Variants in MCF2L observed in about 807,000 individuals in gnomAD.
MCF2L encodes guanine nucleotide exchange factor DBS.
A neutral mutation model predicts 153.4 loss-of-function variants in MCF2L; 97 were observed. The ratio of observed to expected loss-of-function variants is 0.63; its 90% CI spans 0.54 to 0.75. MCF2L has a LOEUF of 0.75. Among genes scored for constraint, MCF2L ranks in the 30% least tolerant of loss-of-function variants. The probability of loss-of-function intolerance (pLI) is 0.00; values close to 1 mark genes in which losing one functional copy is unlikely to be tolerated. For synonymous variants in MCF2L, 659 were observed against 632.2 expected (o/e 1.04, Z -0.64); for missense variants, 1,347 against 1,495.2 (o/e 0.90, Z 1.64).
At chr13:113,015,938 C>G (rs1438500579) in intron 2 of MCF2L, among the ~76,000 whole-genome samples, 1 of 152,130 alleles carries the variant, frequency 6.6e-6, no homozygotes, top group East Asian at 1.9e-4. Context: ...CCTCCTGCGT[C>G]CCCAGCCTCT....
intron 4 of MCF2L, chr13:113,052,783 A>G: frequency 6.6e-6 from 1 of 152,036 alleles, no homozygotes; most frequent in Non-Finnish European, 1.5e-5. Context: ...GTGTACAAAA[A>G]CACACAGACA....
rs564119847 is a variant in MCF2L at position 113,086,868 on chromosome 13, C to T, written c.2374-367C>T. ...CATTTAGCATGGGTGCCACACCTGC[C>T]ACACATGGTGAACTAGCGCTGATGC... is the stretch of plus-strand genomic sequence containing the variant. On this transcript the variant is annotated intron_variant, in intron 21 of 29. Transcript: ENST00000535094. Among the ~76,000 whole-genome samples the T allele has an allele frequency of 2.0e-5, 3 of 152,282 alleles. 1 individual carries two copies. The South Asian group carries it at 6.2e-4, about 32-fold the overall frequency.
At chr13:113,033,117 C>A (rs1268917487) in intron 3 of MCF2L, among the ~76,000 whole-genome samples, 81 of 140,138 alleles carry the variant, frequency 5.8e-4, no homozygotes, top group Non-Finnish European at 9.4e-4. Context: ...ACGTGAGTGG[C>A]CCCCGTGATG....
intron 2 of MCF2L, among the ~76,000 whole-genome samples, chr13:113,021,587 G>A (rs1006476427): frequency 6.6e-6 from 1 of 152,230 alleles, no homozygotes; most frequent in Non-Finnish European, 1.5e-5. Context: ...GCGGCGTTCA[G>A]TCCGCCTCCA....
At position 113,014,394 on chromosome 13, in the gene MCF2L, G is replaced by C. The variant is rs542522226; in HGVS notation, c.80-369G>C. Among the ~76,000 whole-genome samples, 13 of 152,294 alleles carry C rather than the reference G, an allele frequency of 8.5e-5. 1 individual carries two copies. The highest frequency in any genetic ancestry group is 2.9e-4 in the African/African-American group (12 of 41,558). On this transcript the variant is annotated intron_variant, in intron 1 of 29. Coordinates refer to ENST00000535094, the MANE Select transcript of MCF2L (RefSeq NM_001112732.3). ...GGGTCGCCTGAACATTTTCCCTAAT[G>C]TGGGTGGGACTCAGACCAAAGTGTA...
intron 2 of MCF2L, among the ~76,000 whole-genome samples, chr13:112,949,289 C>T (rs550049625): frequency 6.6e-5 from 10 of 152,278 alleles, no homozygotes; most frequent in African/African-American, 2.4e-4. Context: ...GATGGTTTTT[C>T]TAAAGAATTC....
At chr13:112,988,795 GGGATGGGCT>G (rs2140958606) in intron 1 of MCF2L, among the ~76,000 whole-genome samples, 4 of 112,414 alleles carry the variant, frequency 3.6e-5, no homozygotes, top group Non-Finnish European at 6.0e-5. Context: ...CCCTGAGCAG[GGGATGGGCT>G]ACGACACTGG....
At position 113,053,527 on chromosome 13, in the gene MCF2L, G is replaced by T. The variant is rs372279297; in HGVS notation, c.370-7066G>T. On this transcript the variant is annotated intron_variant, in intron 4 of 29. Transcript: ENST00000535094. The surrounding 1 kb of genome is among the most constrained non-coding windows in gnomAD (Gnocchi z 4.4). ...TTGGGGCGGTGTTGTGTGCTCAGAC[G>T]GCCAAGGAGGCGTCCGGATTTCCCC... is the stretch of plus-strand genomic sequence containing the variant. Among the ~76,000 whole-genome samples the T allele has an allele frequency of 2.6e-5, 4 of 152,192 alleles. No homozygotes were observed. Among genetic ancestry groups the T allele is most frequent in the African/African-American group, 9.7e-5 (4 of 41,444 alleles).
At chr13:112,954,754 G>A (rs1009355721) in intron 2 of MCF2L, among the ~76,000 whole-genome samples, 4 of 152,224 alleles carry the variant, frequency 2.6e-5, no homozygotes. Flanking sequence ...AGCTTGGCAC[G>A]TTGCTGTGTA....
chr13:112,995,993 T>G (rs1463686307), intron 1 of MCF2L, among the ~76,000 whole-genome samples: 1 of 152,084 alleles, frequency 6.6e-6, no homozygotes, highest in East Asian at 1.9e-4. Flanking sequence ...CAGGCTGACT[T>G]TCACCAGATC....
At chr13:112,926,081 T>G (rs1033352636) in intron 2 of MCF2L, among the ~76,000 whole-genome samples, 1 of 152,152 alleles carries the variant, frequency 6.6e-6, no homozygotes, top group Admixed American at 6.5e-5. Flanking sequence ...CGGTCACAGA[T>G]GAGGGGATAA....
intron 3 of MCF2L, chr13:113,042,514 G>T (rs549597385): frequency 6.6e-6 from 1 of 152,202 alleles, no homozygotes; most frequent in African/African-American, 2.4e-5. Context: ...AGATTTAAAC[G>T]TAGAGTGAGT....
intron 1 of MCF2L, among the ~76,000 whole-genome samples, chr13:113,011,655 G>A (rs542049064): frequency 2.0e-5 from 2 of 100,578 alleles, no homozygotes; most frequent in East Asian, 3.1e-4. Context: ...CAGTGTGGAC[G>A]GTGGACACTG....
At chr13:112,934,312 C>T (rs1396594562) in intron 2 of MCF2L, among the ~76,000 whole-genome samples, 9 of 152,256 alleles carry the variant, frequency 5.9e-5, no homozygotes, top group African/African-American at 2.2e-4. Flanking sequence ...AGGCTCAGCG[C>T]TGTCTCTAGA....
Position 113,051,308 on chromosome 13 carries a change from T to C in MCF2L, c.369+5947T>C, listed in dbSNP as rs369304909. On this transcript the variant is annotated intron_variant, in intron 4 of 29. Coordinates refer to ENST00000535094, the MANE Select transcript of MCF2L (RefSeq NM_001112732.3). ...TCTGGGGGCGGCCTGGGCCTTTCTG[T>C]CTCTGAAGCCCGAGCTCTCTCCCTA... 1.3e-4 allele frequency among the ~76,000 whole-genome samples: 20 copies of C among 152,264 alleles called. No homozygotes were observed. In the East Asian group the frequency reaches 3.7e-3, roughly 28 times the overall value.
At chr13:112,898,996 T>C (rs1015406892) in intron 1 of MCF2L, among the ~76,000 whole-genome samples, 4 of 151,986 alleles carry the variant, frequency 2.6e-5, no homozygotes, top group Admixed American at 6.5e-5. Context: ...CCATGCCGGG[T>C]CTGCCCCCGC....
intron 4 of MCF2L, among the ~76,000 whole-genome samples, chr13:113,047,840 T>TCACTACGCGTGCCCCGG (rs2086916236): frequency 1.2e-5 from 1 of 81,848 alleles, no homozygotes; most frequent in African/African-American, 5.2e-5. Flanking sequence ...GCGTGCCCTG[T>TCACTACGCGTGCCCCGG]CCCCTCTGCT....
At position 112,943,918 on chromosome 13, in the gene MCF2L, C is replaced by G. The variant is rs75986835; in HGVS notation, c.169+41547C>G. ...GGGAGACGCTCTCGGGCCTCTCAGA[C>G]CAGCATTGAGGAGCTGAGCCCTGCG... is the stretch of plus-strand genomic sequence containing the variant. On this transcript the variant is annotated intron_variant, in intron 2 of 29. Transcript: ENST00000375608. The surrounding 1 kb of genome is among the most constrained non-coding windows in gnomAD (Gnocchi z 4.2). Among the ~76,000 whole-genome samples, 348 of 150,542 alleles carry G rather than the reference C, an allele frequency of 2.3e-3. 7 individuals carry two copies. In the East Asian group the frequency reaches 0.037, roughly 16 times the overall value.
intron 1 of MCF2L, among the ~76,000 whole-genome samples, chr13:113,004,460 TG>T (rs567381599): frequency 1.5e-3 from 221 of 152,332 alleles, no homozygotes; most frequent in Admixed American, 2.5e-3. Context: ...GGCGCAGTGC[TG>T]GGGGGTTCCT....
Sources: allele counts gnomAD v4.1 joint callset (sites outside exome capture counted in the v4.1 genomes callset), GRCh38; gene constraint gnomAD v4.1.1; non-coding constraint Gnocchi (gnomAD v3.1); transcripts MANE v1.5; gene names NCBI Gene and HGNC (gene_info 2026-07-23, HGNC 2026-07-21).